RPP25: variants seen among roughly 807,000 people sequenced by gnomAD.
RPP25 encodes the protein ribonuclease P protein subunit p25.
In RPP25, 2 loss-of-function variants were observed where a neutral mutation model predicts 4.4. The ratio of observed to expected loss-of-function variants is 0.45; its 90% CI spans 0.19 to 1.43. RPP25 has a LOEUF of 1.43. RPP25 is among the 40% of genes most tolerant of loss of function. The probability of loss-of-function intolerance (pLI) is 0.26; values close to 1 mark genes in which losing one functional copy is unlikely to be tolerated. For missense variants in RPP25, 319 were observed against 293.8 expected (o/e 1.09, Z -0.63); for synonymous variants, 144 against 136.2 (o/e 1.06, Z -0.40).
In RPP25 at chr15:74,956,719, G is replaced by C; in HGVS notation, c.-136C>G. On this transcript the variant is annotated 5_prime_UTR_variant, in exon 1 of 1. Transcript: ENST00000322177. ...CAGCGCAGACGCCGGCGGGCGGGCT[G>C]GGACGGCGCGATCTCGGCCCCACTT... 9.6e-7 allele frequency: 1 copy of C among 1,043,824 alleles called. No homozygotes were observed. Among genetic ancestry groups the C allele is most frequent in the Non-Finnish European group, 1.3e-6 (1 of 796,248 alleles). The allele number at this position is 1,043,824 out of a possible 1,614,324, so 64.7% of individuals were successfully genotyped here. A position where few individuals can be genotyped will look rare whatever the true frequency, so the allele number is the denominator to read the frequency against.
In RPP25 at chr15:74,955,794, G is replaced by T; in HGVS notation, c.*190C>A. ...TATCGCACGAAGTTTCCCTAGGGTG[G>T]TCGGGGATCCTCTCCTGCCACTCCT... On this transcript the variant is annotated 3_prime_UTR_variant, in exon 1 of 1. Transcript: ENST00000322177. 1 of 692,362 alleles carries T rather than the reference G, an allele frequency of 1.4e-6. No homozygotes were observed. Among genetic ancestry groups the T allele is most frequent in the Non-Finnish European group, 2.4e-6 (1 of 424,302 alleles). The allele number at this position is 692,362 out of a possible 1,614,324, so 42.9% of individuals were successfully genotyped here. A position where few individuals can be genotyped will look rare whatever the true frequency, so the allele number is the denominator to read the frequency against.
At position 74,955,531 on chromosome 15, in the gene RPP25, T is replaced by C; in HGVS notation, c.*453A>G. 5.8e-6 allele frequency: 1 copy of C among 173,594 alleles called. No individual in the cohort carries two copies. Among genetic ancestry groups the C allele is most frequent in the East Asian group, 1.8e-4 (1 of 5,530 alleles). 10.8% of individuals were successfully genotyped at this position (173,594 alleles called of 1,614,324 possible). ...AATAGGGCCCCCACATCTCAGACTC[T>C]CCTACCCTCAAGCAGTTAATTCTCA... is the stretch of plus-strand genomic sequence containing the variant. On this transcript the variant is annotated 3_prime_UTR_variant, in exon 1 of 1. Coordinates refer to ENST00000322177, the MANE Select transcript of RPP25 (RefSeq NM_017793.3).
Position 74,955,673 on chromosome 15 carries a change from G to A in RPP25, c.*311C>T, listed in dbSNP as rs1375654174. 2.4e-6 allele frequency: 1 copy of A among 411,930 alleles called. No individual in the cohort carries two copies. The highest frequency in any genetic ancestry group is 2.1e-5 in the African/African-American group (1 of 47,884). The allele number at this position is 411,930 out of a possible 1,614,324, so 25.5% of individuals were successfully genotyped here. On this transcript the variant is annotated 3_prime_UTR_variant, in exon 1 of 1. Coordinates refer to ENST00000322177, the MANE Select transcript of RPP25 (RefSeq NM_017793.3). Reference sequence around the variant, plus strand: ...TTTAACCCTTGGGGGTCCCAAACAAGTTTCCAGAATCCCACTGTCCACCAT... The same window carrying A: ...TTTAACCCTTGGGGGTCCCAAACAAATTTCCAGAATCCCACTGTCCACCAT...
rs1292505272 is a variant in RPP25 at position 74,954,712 on chromosome 15, TC to T, written c.*1271del. The T allele has an allele frequency of 6.6e-6, 1 of 152,266 alleles. No individual in the cohort carries two copies. The highest frequency in any genetic ancestry group is 2.4e-5 in the African/African-American group (1 of 41,438). The allele number at this position is 152,266 out of a possible 1,614,324, so 9.4% of individuals were successfully genotyped here. The stretch of plus-strand genomic sequence containing the variant: ...AGCTTATCAGGAGGCCTGCAGTGAT[TC>T]ACAGCCCAAGACCCAGCTTCTCTGC... On this transcript the variant is annotated 3_prime_UTR_variant, in exon 1 of 1. Transcript: ENST00000322177.
At position 74,956,388 on chromosome 15, in the gene RPP25, C is replaced by T; in HGVS notation, c.196G>A (p.Val66Ile). 1.2e-6 allele frequency: 2 copies of T among 1,604,170 alleles called. No homozygotes were observed. The highest frequency in any genetic ancestry group is 1.1e-5 in the South Asian group (1 of 90,500). The change falls in exon 1 of 1, where the codon GTC (valine) becomes ATC (isoleucine). Residue 66 changes from valine (V) to isoleucine (I), a missense_variant. Val to Ile is a conservative substitution (Grantham distance 29). Transcript: ENST00000322177. ...GTGGCCCGGCCGCAGCCGCTGAAGACGATGGCGCGCGTGGCTGGCTGCGCC... is the reference window on the plus strand; with the variant it reads ...GTGGCCCGGCCGCAGCCGCTGAAGATGATGGCGCGCGTGGCTGGCTGCGCC... Reference protein sequence around the residue: ...SMAQPATRAIVFSGCGRATTK... With the variant: ...SMAQPATRAIIFSGCGRATTK...
Position 74,955,718 on chromosome 15 carries a change from C to T in RPP25, c.*266G>A, listed in dbSNP as rs2065465246. On this transcript the variant is annotated 3_prime_UTR_variant, in exon 1 of 1. Coordinates refer to ENST00000322177, the MANE Select transcript of RPP25 (RefSeq NM_017793.3). ...CACCATTCTCCCCCAAAGAAGGTCCCAGAAAAGGTGAAGTTCCGTGTCTTC... is the reference window on the plus strand; with the variant it reads ...CACCATTCTCCCCCAAAGAAGGTCCTAGAAAAGGTGAAGTTCCGTGTCTTC... The T allele has an allele frequency of 3.8e-6, 2 of 520,970 alleles. No homozygotes were observed. Among genetic ancestry groups the T allele is most frequent in the Admixed American group, 7.3e-5 (2 of 27,338 alleles). The allele number at this position is 520,970 out of a possible 1,614,324, so 32.3% of individuals were successfully genotyped here.
chr15:74,956,629 A>G lies in RPP25; in HGVS notation c.-46T>C. The G allele has an allele frequency of 7.1e-7, 1 of 1,410,466 alleles. No individual in the cohort carries two copies. Among genetic ancestry groups the G allele is most frequent in the African/African-American group, 1.5e-5 (1 of 65,726 alleles). The allele number at this position is 1,410,466 out of a possible 1,614,324, so 87.4% of individuals were successfully genotyped here. On this transcript the variant is annotated 5_prime_UTR_variant, in exon 1 of 1. The change abolishes the stop of an existing upstream ORF in the 5' untranslated region. Coordinates refer to ENST00000322177, the MANE Select transcript of RPP25 (RefSeq NM_017793.3). ...GCCGGCTTTGCCATGGGGCGGCCTC[A>G]GCCCCGGGGCTGCATGGCCGCCGGT...
Position 74,956,056 on chromosome 15 carries a change from G to A in RPP25, c.528C>T (p.Pro176=), listed in dbSNP as rs769970913. The part of the protein sequence containing the change: ...APASKRSLGE[P]AAGEGSAKRS... Reference sequence around the variant, plus strand: ...GCTTCGCGGAGCCTTCTCCAGCTGCGGGTTCCCCTAGGCTCCTCTTGGACG... The same window carrying A: ...GCTTCGCGGAGCCTTCTCCAGCTGCAGGTTCCCCTAGGCTCCTCTTGGACG... Residue 176 remains proline (P), a synonymous_variant, in exon 1 of 1, where the codon CCC becomes CCT. Coordinates refer to ENST00000322177, the MANE Select transcript of RPP25 (RefSeq NM_017793.3). 6.2e-7 allele frequency: 1 copy of A among 1,611,064 alleles called. No individual in the cohort carries two copies. The highest frequency in any genetic ancestry group is 1.3e-5 in the African/African-American group (1 of 74,922).
Position 74,956,383 on chromosome 15 carries a change from G to A in RPP25, c.201C>T (p.Phe67=), listed in dbSNP as rs554804104. The change falls in exon 1 of 1, where the codon TTC becomes TTT. Residue 67 remains phenylalanine, a synonymous_variant. Coordinates refer to ENST00000322177, the MANE Select transcript of RPP25 (RefSeq NM_017793.3). ...MAQPATRAIV[F]SGCGRATTKT... ...TGGTGGTGGCCCGGCCGCAGCCGCT[G>A]AAGACGATGGCGCGCGTGGCTGGCT... 1.2e-6 allele frequency: 2 copies of A among 1,604,236 alleles called. No homozygotes were observed. Among genetic ancestry groups the A allele is most frequent in the Admixed American group, 1.7e-5 (1 of 59,716 alleles).
At position 74,956,054 on chromosome 15, in the gene RPP25, G is replaced by A. The variant is rs1195560263; in HGVS notation, c.530C>T (p.Ala177Val). 1.9e-6 allele frequency: 3 copies of A among 1,611,234 alleles called. No individual in the cohort carries two copies. The highest frequency in any genetic ancestry group is 2.5e-6 in the Non-Finnish European group (3 of 1,179,404). ...TCGCTTCGCGGAGCCTTCTCCAGCT[G>A]CGGGTTCCCCTAGGCTCCTCTTGGA... ...PASKRSLGEPAAGEGSAKRSQ... is the reference protein window; with the variant it reads ...PASKRSLGEPVAGEGSAKRSQ... Residue 177 changes from alanine to valine, a missense_variant, in exon 1 of 1, where the codon GCA (alanine) becomes GTA (valine). Transcript: ENST00000322177.
At position 74,955,873 on chromosome 15, in the gene RPP25, G is replaced by A. The variant is rs1476385171; in HGVS notation, c.*111C>T. ...CATGCTACCTGTCTTGAGGAGCTGT[G>A]TCCAGGTTGTGGGCTCCGGAGGACC... On this transcript the variant is annotated 3_prime_UTR_variant, in exon 1 of 1. Transcript: ENST00000322177. 2 of 1,432,564 alleles carry A rather than the reference G, an allele frequency of 1.4e-6. No homozygotes were observed. Among genetic ancestry groups the A allele is most frequent in the Non-Finnish European group, 1.9e-6 (2 of 1,063,112 alleles). 88.7% of individuals were successfully genotyped at this position (1,432,564 alleles called of 1,614,324 possible).
Position 74,956,358 on chromosome 15 carries a change from T to C in RPP25, c.226A>G (p.Lys76Glu). The change falls in exon 1 of 1, where the codon AAA becomes GAA. Residue 76 changes from lysine to glutamate, a missense_variant. Physicochemically the swap from Lys to Glu is moderately conservative, Grantham distance 56 (BLOSUM62 1). Coordinates refer to ENST00000322177, the MANE Select transcript of RPP25 (RefSeq NM_017793.3). The stretch of plus-strand genomic sequence containing the variant: ...AGGATCTCGGCGCACGTGACGGTTT[T>C]GGTGGTGGCCCGGCCGCAGCCGCTG... ...VFSGCGRATTKTVTCAEILKR... is the reference protein window; with the variant it reads ...VFSGCGRATTETVTCAEILKR... 2.5e-6 allele frequency: 4 copies of C among 1,602,716 alleles called. No individual in the cohort carries two copies. Among genetic ancestry groups the C allele is most frequent in the Non-Finnish European group, 3.4e-6 (4 of 1,178,578 alleles).
rs770177538 is a variant in RPP25 at position 74,955,987 on chromosome 15, G to A, written c.597C>T (p.Ala199=). 1.6e-5 allele frequency: 26 copies of A among 1,612,778 alleles called. No homozygotes were observed. Among genetic ancestry groups the A allele is most frequent in the Non-Finnish European group, 2.1e-5 (25 of 1,179,894 alleles). The change falls in exon 1 of 1, where the codon GCC becomes GCT. Residue 199 remains alanine (A), a synonymous_variant. Transcript: ENST00000322177. The stretch of plus-strand genomic sequence containing the variant: ...AGGTGGCCCACAGTCCGGAGTTTCA[G>A]GCCGTCTGATCCTCGTCCGCAACCC... ...EPGVADEDQT[A]
chr15:74,956,617 T>C lies in RPP25; in HGVS notation c.-34A>G. 1.4e-6 allele frequency: 2 copies of C among 1,418,026 alleles called. No individual in the cohort carries two copies. The highest frequency in any genetic ancestry group is 1.8e-6 in the Non-Finnish European group (2 of 1,096,442). The allele number at this position is 1,418,026 out of a possible 1,614,324, so 87.8% of individuals were successfully genotyped here. A position where few individuals can be genotyped will look rare whatever the true frequency, so the allele number is the denominator to read the frequency against. ...GTCGCCGGGACCGCCGGCTTTGCCA[T>C]GGGGCGGCCTCAGCCCCGGGGCTGC... On this transcript the variant is annotated 5_prime_UTR_variant, in exon 1 of 1. The change abolishes an upstream ATG in the 5' untranslated region. Coordinates refer to ENST00000322177, the MANE Select transcript of RPP25 (RefSeq NM_017793.3).
At position 74,956,140 on chromosome 15, in the gene RPP25, C is replaced by A; in HGVS notation, c.444G>T (p.Gln148His). 6.2e-7 allele frequency: 1 copy of A among 1,603,954 alleles called. No individual in the cohort carries two copies. Among genetic ancestry groups the A allele is most frequent in the East Asian group, 2.2e-5 (1 of 44,560 alleles). Reference protein sequence around the residue: ...LLSKDALDPRQPGYQPPNPHP... With the variant: ...LLSKDALDPRHPGYQPPNPHP... The stretch of plus-strand genomic sequence containing the variant: ...GGGGATTCGGGGGCTGGTAGCCGGG[C>A]TGTCGCGGATCCAGCGCGTCCTTGG... The change falls in exon 1 of 1, where the codon CAG becomes CAT. Residue 148 changes from glutamine to histidine, a missense_variant. By Grantham distance (24) the Gln-to-His change is conservative. Coordinates refer to ENST00000322177, the MANE Select transcript of RPP25 (RefSeq NM_017793.3).
rs760241482 is a variant in RPP25 at position 74,956,006 on chromosome 15, G to A, written c.578C>T (p.Ala193Val). The change falls in exon 1 of 1, where the codon GCG becomes GTG. Residue 193 changes from alanine (A) to valine (V), a missense_variant. Ala to Val is a moderately conservative substitution (Grantham distance 64). Coordinates refer to ENST00000322177, the MANE Select transcript of RPP25 (RefSeq NM_017793.3). Reference sequence around the variant, plus strand: ...GTTTCAGGCCGTCTGATCCTCGTCCGCAACCCCTGGCTCGGGTTGCGATCG... The same window carrying A: ...GTTTCAGGCCGTCTGATCCTCGTCCACAACCCCTGGCTCGGGTTGCGATCG... ...AKRSQPEPGVADEDQTA is the reference protein window; with the variant it reads ...AKRSQPEPGVVDEDQTA 1.2e-6 allele frequency: 2 copies of A among 1,612,362 alleles called. No homozygotes were observed. The highest frequency in any genetic ancestry group is 8.5e-7 in the Non-Finnish European group (1 of 1,179,732).
Position 74,955,975 on chromosome 15 carries a change from T to C in RPP25, c.*9A>G, listed in dbSNP as rs1267684559. 1 of 1,612,540 alleles carries C rather than the reference T, an allele frequency of 6.2e-7. No homozygotes were observed. Among genetic ancestry groups the C allele is most frequent in the African/African-American group, 1.3e-5 (1 of 75,046 alleles). ...TCCTGCCGGACTAGGTGGCCCACAG[T>C]CCGGAGTTTCAGGCCGTCTGATCCT... On this transcript the variant is annotated 3_prime_UTR_variant, in exon 1 of 1. Coordinates refer to ENST00000322177, the MANE Select transcript of RPP25 (RefSeq NM_017793.3).
chr15:74,956,223 C>A lies in RPP25; in HGVS notation c.361G>T (p.Glu121Ter), dbSNP rs780063675. 7 of 1,561,838 alleles carry A rather than the reference C, an allele frequency of 4.5e-6. No homozygotes were observed. The highest frequency in any genetic ancestry group is 1.2e-5 in the South Asian group (1 of 85,766). Residue 121 changes from glutamate to a stop codon, truncating the protein, a stop_gained, in exon 1 of 1, where the codon GAG becomes TAG. Coordinates refer to ENST00000322177, the MANE Select transcript of RPP25 (RefSeq NM_017793.3). LOFTEE classifies it high-confidence loss of function. ...AGTACGCTGAGACTAGCGGCCGGCT[C>A]GCCAGGCGTCTGACCCTGCGTGGGC... ...PGPTQGQTPG[E>*]PAASLSVLKN...
At position 74,956,277 on chromosome 15, in the gene RPP25, G is replaced by A. The variant is rs1157279003; in HGVS notation, c.307C>T (p.Arg103Cys). 1 of 1,591,898 alleles carries A rather than the reference G, an allele frequency of 6.3e-7. No homozygotes were observed. The highest frequency in any genetic ancestry group is 1.3e-5 in the African/African-American group (1 of 74,776). ...GGCGGGAGGCTCTGCCACACCTCGC[G>A]TACGCTCCGGTAGCGCAGCCGCGTG... ...QVTRLRYRSV[R>C]EVWQSLPPGP... The change falls in exon 1 of 1, where the codon CGC becomes TGC. Residue 103 changes from arginine to cysteine, a missense_variant. By Grantham distance (180) the Arg-to-Cys change is radical (BLOSUM62 -3). Transcript: ENST00000322177.
Sources: gnomAD v4.1 joint callset for allele counts on GRCh38, gnomAD v4.1.1 for gene constraint, MANE v1.5 for transcripts, NCBI Gene and HGNC (gene_info 2026-07-23, HGNC 2026-07-21) for gene names.